The following PKD2 variants were observed in gnomAD, a reference collection of about 807,000 sequenced individuals.
PKD2 encodes the protein polycystin 2, transient receptor potential cation channel.
Under a neutral mutation model 105.9 loss-of-function variants are expected in PKD2, and 48 were observed. That is an observed-to-expected ratio of 0.45 (90% CI 0.36 to 0.58). The LOEUF is 0.58. Among genes scored for constraint, PKD2 ranks in the 20% least tolerant of loss-of-function variants. The probability of loss-of-function intolerance (pLI) is 0.00; values close to 1 mark genes in which losing one functional copy is unlikely to be tolerated. For synonymous variants in PKD2, 464 were observed against 481.1 expected (o/e 0.96, Z 0.46); for missense variants, 1,078 against 1,255.3 (o/e 0.86, Z 2.13).
rs1235606078 is a variant in PKD2, at chr4:88,007,641, C to T, written c.-93C>T. ...GAGGTCGGGGGCGGGGAGCAGGCGG[C>T]GGCGGGCGCCGGGAAGAAAGGAACA... On this transcript the variant is annotated 5_prime_UTR_variant, in exon 1 of 15. Coordinates refer to ENST00000237596, the MANE Select transcript of PKD2 (RefSeq NM_000297.4). 5.5e-5 allele frequency: 45 copies of T among 814,722 alleles called. No homozygotes were observed. In the South Asian group the frequency reaches 7.1e-4, roughly 13 times the overall value. The allele number at this position is 814,722 out of a possible 1,614,324, so 50.5% of individuals were successfully genotyped here. A position where few individuals can be genotyped will look rare whatever the true frequency, so the allele number is the denominator to read the frequency against.
chr4:88,027,163 G>T (rs1726987345), intron 2 of PKD2, among the ~76,000 whole-genome samples: 1 of 152,206 alleles, frequency 6.6e-6, no homozygotes, highest in South Asian at 2.1e-4. Context: ...CAGAATGGTA[G>T]ATCCACCAAC....
intron 2 of PKD2, among the ~76,000 whole-genome samples, chr4:88,033,059 T>G (rs1018489292): frequency 6.6e-6 from 1 of 152,200 alleles, no homozygotes; most frequent in African/African-American, 2.4e-5. Context: ...TTTGTAGAGC[T>G]GTCATTCAGG....
At chr4:88,075,324 TC>T in intron 14 of PKD2, 133 bp from the exon 15 acceptor site, 1 of 815,136 alleles carries the variant, frequency 1.2e-6, no homozygotes, top group South Asian at 1.3e-5. Context: ...GAAAAATTAC[TC>T]CAGCAACTCT....
In PKD2 at chr4:88,036,008, A is replaced by G. The variant is rs1054321803; in HGVS notation, c.710-212A>G. ...AGCCAATTTTGTTTCCCATAAGCCAATATTAATATTACGTATTTCTTTTAT... is the reference window on the plus strand; with the variant it reads ...AGCCAATTTTGTTTCCCATAAGCCAGTATTAATATTACGTATTTCTTTTAT... On this transcript the variant is annotated intron_variant, in intron 2 of 14. Coordinates refer to ENST00000237596, the MANE Select transcript of PKD2 (RefSeq NM_000297.4). The G allele has an allele frequency of 8.9e-6, 6 of 673,180 alleles. No homozygotes were observed. In the African/African-American group the frequency reaches 1.1e-4, roughly 12 times the overall value. The allele number at this position is 673,180 out of a possible 1,614,324, so 41.7% of individuals were successfully genotyped here. A position where few individuals can be genotyped will look rare whatever the true frequency, so the allele number is the denominator to read the frequency against.
At chr4:88,040,353 G>A (rs1435187238) in intron 4 of PKD2, among the ~76,000 whole-genome samples, 4 of 152,318 alleles carry the variant, frequency 2.6e-5, no homozygotes, top group African/African-American at 9.6e-5. Flanking sequence ...GTTAACTGCT[G>A]TATTCTCAAA....
chr4:88,022,788 A>G (rs1726798897), intron 2 of PKD2, among the ~76,000 whole-genome samples: 1 of 152,174 alleles, frequency 6.6e-6, no homozygotes, highest in Non-Finnish European at 1.5e-5. Flanking sequence ...GTAATTTATA[A>G]AAAAAGAGGT....
intron 1 of PKD2, among the ~76,000 whole-genome samples, chr4:88,010,878 T>G (rs916612172): frequency 5.9e-5 from 9 of 152,248 alleles, no homozygotes; most frequent in African/African-American, 2.2e-4. Flanking sequence ...AAGACATGTT[T>G]GAGGCCTGTT....
At chr4:88,044,282 CAG>C (rs1322946942) in intron 5 of PKD2, among the ~76,000 whole-genome samples, 1 of 152,202 alleles carries the variant, frequency 6.6e-6, no homozygotes, top group African/African-American at 2.4e-5. Context: ...AAGAGGAAGT[CAG>C]AGTTCACCCA....
At chr4:88,025,599 G>C (rs1162289375) in intron 2 of PKD2, among the ~76,000 whole-genome samples, 1 of 148,794 alleles carries the variant, frequency 6.7e-6, no homozygotes, top group Non-Finnish European at 1.5e-5. Context: ...GGGTGACAGA[G>C]CAAGACCCTG....
At position 88,074,839 on chromosome 4, in the gene PKD2, G is replaced by A. The variant is rs1721172954; in HGVS notation, c.2550G>A (p.Glu850=). The change falls in exon 14 of 15, where the codon GAG becomes GAA. Residue 850 remains glutamate (E), a synonymous_variant. Coordinates refer to ENST00000237596, the MANE Select transcript of PKD2 (RefSeq NM_000297.4). ...TGGTGAGACGAGTGGACCGGATGGA[G>A]CATTCCATCGGCAGCATAGTGTCCA... ...QVLVRRVDRM[E]HSIGSIVSKI... 1 of 1,614,012 alleles carries A rather than the reference G, an allele frequency of 6.2e-7. No homozygotes were observed. The highest frequency in any genetic ancestry group is 8.5e-7 in the Non-Finnish European group (1 of 1,179,882).
At chr4:88,015,520 C>T (rs564066381) in intron 1 of PKD2, among the ~76,000 whole-genome samples, 29 of 152,202 alleles carry the variant, frequency 1.9e-4, no homozygotes, top group African/African-American at 6.7e-4. Flanking sequence ...TCAAGCGATT[C>T]TCCTGCCTCA....
At chr4:88,011,003 G>C (rs112035805) in intron 1 of PKD2, among the ~76,000 whole-genome samples, 5 of 152,210 alleles carry the variant, frequency 3.3e-5, no homozygotes. Context: ...AAAGGAAATT[G>C]TGTCAGCAGC....
chr4:88,065,577 A>AG, intron 11 of PKD2, 82 bp downstream of exon 11: 1 of 1,434,766 alleles, frequency 7.0e-7, no homozygotes, highest in Non-Finnish European at 9.8e-7. Context: ...TTCTAGCCCA[A>AG]GGGCTCATAC....
chr4:88,020,753 A>G (rs1726719949), intron 2 of PKD2, among the ~76,000 whole-genome samples: 1 of 151,532 alleles, frequency 6.6e-6, no homozygotes, highest in Non-Finnish European at 1.5e-5. Context: ...GCAGTGGCAC[A>G]ATCATAGCTC....
intron 2 of PKD2, among the ~76,000 whole-genome samples, chr4:88,027,899 C>T (rs1380819617): frequency 1.3e-5 from 2 of 152,166 alleles, no homozygotes; most frequent in Non-Finnish European, 2.9e-5. Context: ...TTGCCTTCTG[C>T]CATGATTGTA....
chr4:88,021,141 T>C (rs904595926), intron 2 of PKD2, among the ~76,000 whole-genome samples: 7 of 152,220 alleles, frequency 4.6e-5, no homozygotes, highest in Admixed American at 2.0e-4. Context: ...GCTTTACATA[T>C]ACAGACAAAT....
intron 8 of PKD2, 78 bp downstream of exon 8, chr4:88,056,345 T>A (rs2110127494): frequency 1.2e-6 from 1 of 862,250 alleles, no homozygotes; most frequent in Non-Finnish European, 1.9e-6. Context: ...TCATATGAGG[T>A]TGCTATATGA....
At chr4:88,060,961 GA>G (rs1720549583) in intron 9 of PKD2, among the ~76,000 whole-genome samples, 1 of 152,152 alleles carries the variant, frequency 6.6e-6, no homozygotes, top group Non-Finnish European at 1.5e-5. Context: ...ATTAGACTTA[GA>G]AAAGTGGAGC....
intron 2 of PKD2, among the ~76,000 whole-genome samples, chr4:88,035,295 G>A (rs1289788566): frequency 6.6e-6 from 1 of 152,288 alleles, no homozygotes; most frequent in Middle Eastern, 3.4e-3. Context: ...GATGTAGTTC[G>A]AGTTATAGGG....
Sources: allele counts gnomAD v4.1 joint callset (sites outside exome capture counted in the v4.1 genomes callset), GRCh38; gene constraint gnomAD v4.1.1; transcripts MANE v1.5; gene names NCBI Gene and HGNC (gene_info 2026-07-23, HGNC 2026-07-21).